BICC1: variants seen among roughly 807,000 people sequenced by gnomAD.
BICC1 encodes the protein BicC family RNA binding protein 1, also known as protein bicaudal C homolog 1.
BICC1 carries 43 observed loss-of-function variants against 111.0 expected under a neutral mutation model. The observed-to-expected ratio is 0.39, with a 90% CI of 0.30 to 0.50. The LOEUF (loss-of-function observed/expected upper bound fraction) is 0.50, where lower values mean the gene tolerates loss of function less well. Ranked by LOEUF, BICC1 falls within the 20% of genes least tolerant of loss-of-function variation. The pLI is 0.88. For missense variants in BICC1, 1,091 were observed against 1,203.2 expected (o/e 0.91, Z 1.38); for synonymous variants, 467 against 434.4 (o/e 1.07, Z -0.93).
chr10:58,828,112 C>T (rs1844452850), intron 20 of BICC1, among the ~76,000 whole-genome samples: 1 of 152,080 alleles, frequency 6.6e-6, no homozygotes, highest in African/African-American at 2.4e-5. Context: ...CAACAGTAGG[C>T]CGTTAGTAAA....
Sources: allele counts gnomAD v4.1 joint callset (sites outside exome capture counted in the v4.1 genomes callset), GRCh38; gene constraint gnomAD v4.1.1; transcripts MANE v1.5; gene names NCBI Gene and HGNC (gene_info 2026-07-23, HGNC 2026-07-21).